The following ABCC4 variants were observed in gnomAD, a reference collection of about 807,000 sequenced individuals.
The protein encoded by ABCC4 is ATP-binding cassette sub-family C member 4.
Under a neutral mutation model 168.5 loss-of-function variants are expected in ABCC4, and 102 were observed. The ratio of observed to expected loss-of-function variants is 0.61; its 90% CI spans 0.52 to 0.71. The LOEUF (loss-of-function observed/expected upper bound fraction) is 0.71, where lower values mean the gene tolerates loss of function less well. Ranked by LOEUF, ABCC4 falls within the 30% of genes least tolerant of loss-of-function variation. The pLI is 0.00. For missense variants in ABCC4, 1,402 were observed against 1,605.8 expected, an observed-to-expected ratio of 0.87 and a Z score of 2.17; for synonymous variants, 617 against 590.7, an observed-to-expected ratio of 1.04 and a Z score of -0.65.
chr13:95,035,064 C>T (rs1343368990), intron 29 of ABCC4, among the ~76,000 whole-genome samples: 1 of 152,168 alleles, frequency 6.6e-6, no homozygotes, highest in African/African-American at 2.4e-5. Context: ...AACTCTCAGA[C>T]TCTCAGCCTT....
chr13:95,077,700 T>G (rs2033954291), intron 21 of ABCC4, among the ~76,000 whole-genome samples: 1 of 147,922 alleles, frequency 6.8e-6, no homozygotes, highest in Non-Finnish European at 1.5e-5. Flanking sequence ...AGGGTGGGGG[T>G]AAGGGGCGGA....
chr13:95,164,060 A>AAG (rs1566480641), intron 16 of ABCC4, among the ~76,000 whole-genome samples: 1 of 128,016 alleles, frequency 7.8e-6, no homozygotes, highest in South Asian at 2.6e-4. Flanking sequence ...AAAAAAAAGA[A>AAG]AGAAAGAAAG....
chr13:95,107,872 A>G (rs2035062686), intron 20 of ABCC4, among the ~76,000 whole-genome samples: 1 of 152,072 alleles, frequency 6.6e-6, no homozygotes, highest in African/African-American at 2.4e-5. Context: ...CTGGGAGGCA[A>G]AGTTTGCAGC....
chr13:95,072,196 C>T (rs9590172), intron 24 of ABCC4, among the ~76,000 whole-genome samples: 2,439 of 152,308 alleles, frequency 0.016, 73 homozygotes, highest in African/African-American at 0.055. Flanking sequence ...CGCGGTGGCT[C>T]ATGCCTATAA....
intron 4 of ABCC4, among the ~76,000 whole-genome samples, chr13:95,214,326 A>G (rs7988494): frequency 0.75 from 113,316 of 152,050 alleles, 43,037 homozygotes; most frequent in Non-Finnish European, 0.84. Flanking sequence ...TAAAATATTC[A>G]TGTAATTGGA....
chr13:95,039,353 T>C (rs1229533818), intron 29 of ABCC4, among the ~76,000 whole-genome samples: 1 of 152,228 alleles, frequency 6.6e-6, no homozygotes, highest in Non-Finnish European at 1.5e-5. Flanking sequence ...TTTACTGATT[T>C]GACCAAAGAT....
rs11462774 is a variant in ABCC4, at chr13:95,259,380, C to CAA, written c.75-11629_75-11628dup. 7.9e-4 allele frequency among the ~76,000 whole-genome samples: 101 copies of CAA among 128,316 alleles called. 1 individual carries two copies. Among genetic ancestry groups the CAA allele is most frequent in the Admixed American group, 2.6e-3 (32 of 12,342 alleles). 84.2% of individuals were successfully genotyped at this position (128,316 alleles called of 152,430 possible). Reference sequence around the variant, plus strand: ...GGGCAACAAGAGTGAAACTCCGTCTCAAAAAAAAAAAAAAGGAAGAAAAAA... The same window carrying CAA: ...GGGCAACAAGAGTGAAACTCCGTCTCAAAAAAAAAAAAAAAAGGAAGAAAAAA... On this transcript the variant is annotated intron_variant, in intron 1 of 30. Transcript: ENST00000645237.
At chr13:95,024,706 C>G (rs955478441) in intron 30 of ABCC4, among the ~76,000 whole-genome samples, 1 of 152,094 alleles carries the variant, frequency 6.6e-6, no homozygotes, top group Admixed American at 6.5e-5. Context: ...TAAAGCCAGT[C>G]TAATTTTGGT....
intron 29 of ABCC4, among the ~76,000 whole-genome samples, chr13:95,041,731 G>A (rs182199025): frequency 2.0e-5 from 3 of 152,290 alleles, no homozygotes; most frequent in East Asian, 1.9e-4. Flanking sequence ...AAGATCTGAG[G>A]AAGAATGGTA....
chr13:95,071,602 C>T, intron 25 of ABCC4, 60 bp downstream of exon 25: 4 of 1,343,060 alleles, frequency 3.0e-6, no homozygotes, highest in Non-Finnish European at 3.9e-6. Flanking sequence ...AGGAAGACAA[C>T]AAGCAGACAT....
intron 24 of ABCC4, 31 bp from the exon 25 acceptor site, chr13:95,071,884 G>C: frequency 7.1e-7 from 1 of 1,399,736 alleles, no homozygotes; most frequent in East Asian, 2.6e-5. Context: ...CGAGGGGTTA[G>C]GAATGGAGGG....
Position 95,089,202 on chromosome 13 carries a change from A to G in ABCC4, c.2536-5912T>C, listed in dbSNP as rs71433003. Among the ~76,000 whole-genome samples the G allele has an allele frequency of 3.4e-3, 511 of 152,328 alleles. 4 individuals carry two copies. Among genetic ancestry groups the G allele is most frequent in the Non-Finnish European group, 5.3e-3 (359 of 68,034 alleles). ...TTCATGACACAAAAATTTCCCATAG[A>G]AAAAACAAAGATGGGTCACAAGATG... On this transcript the variant is annotated intron_variant, in intron 20 of 30. Transcript: ENST00000645237.
In ABCC4 at chr13:95,020,742, A is replaced by G. The variant is rs1011217932; in HGVS notation, c.*833T>C. 16 of 152,280 alleles carry G rather than the reference A, an allele frequency of 1.1e-4. No individual in the cohort carries two copies. The highest frequency in any genetic ancestry group is 3.6e-4 in the African/African-American group (15 of 41,462). 9.4% of individuals were successfully genotyped at this position (152,280 alleles called of 1,614,324 possible). Reference sequence around the variant, plus strand: ...CCATAAATGAGAAATCCAAAAAAGAATAATGCCACGTATTTCAGGAATGTC... The same window carrying G: ...CCATAAATGAGAAATCCAAAAAAGAGTAATGCCACGTATTTCAGGAATGTC... On this transcript the variant is annotated 3_prime_UTR_variant, in exon 31 of 31. Transcript: ENST00000645237.
intron 4 of ABCC4, among the ~76,000 whole-genome samples, chr13:95,222,480 T>A (rs2039335345): frequency 6.6e-6 from 1 of 152,186 alleles, no homozygotes; most frequent in African/African-American, 2.4e-5. Flanking sequence ...GGCATCTGCA[T>A]GGCCCTGGAC....
intron 11 of ABCC4, among the ~76,000 whole-genome samples, chr13:95,182,624 T>C (rs1417228181): frequency 6.6e-6 from 1 of 152,222 alleles, no homozygotes; most frequent in African/African-American, 2.4e-5. Flanking sequence ...AATCAGATGC[T>C]TTAAGTTCAT....
chr13:95,185,987 A>G (rs3843689), intron 11 of ABCC4, among the ~76,000 whole-genome samples: 60,867 of 151,726 alleles, frequency 0.4, 13,913 homozygotes, highest in Non-Finnish European at 0.5. Flanking sequence ...TCTTTTTTAA[A>G]GGGAGTGGAG....
In ABCC4 at chr13:95,298,888, G is replaced by T. The variant is rs866833784; in HGVS notation, c.74+2353C>A. On this transcript the variant is annotated intron_variant, in intron 1 of 30. Coordinates refer to ENST00000645237, the MANE Select transcript of ABCC4 (RefSeq NM_005845.5). The stretch of plus-strand genomic sequence containing the variant: ...CCCTTCCATCAGGGAAACCGGAAAT[G>T]AACACCTACTCAAGTCATCAATGGG... 2.0e-4 allele frequency among the ~76,000 whole-genome samples: 30 copies of T among 152,228 alleles called. No homozygotes were observed. In the Middle Eastern group the frequency reaches 0.01, roughly 52 times the overall value.
chr13:95,228,744 A>G (rs1385202822), intron 4 of ABCC4, among the ~76,000 whole-genome samples: 3 of 150,072 alleles, frequency 2.0e-5, no homozygotes, highest in Non-Finnish European at 4.4e-5. Flanking sequence ...AGCCTGGGCG[A>G]CAGAGCAAGA....
chr13:95,222,491 A>C (rs2039335874), intron 4 of ABCC4, among the ~76,000 whole-genome samples: 7 of 152,226 alleles, frequency 4.6e-5, no homozygotes, highest in Admixed American at 3.9e-4. Context: ...GGCCCTGGAC[A>C]GTAAGCAGGT....
Sources: allele counts gnomAD v4.1 joint callset (sites outside exome capture counted in the v4.1 genomes callset), GRCh38; gene constraint gnomAD v4.1.1; transcripts MANE v1.5; gene names NCBI Gene and HGNC (gene_info 2026-07-23, HGNC 2026-07-21).